SLC9A3: variants seen among roughly 807,000 people sequenced by gnomAD.
The protein encoded by SLC9A3 is sodium/hydrogen exchanger 3.
Under a neutral mutation model 86.8 loss-of-function variants are expected in SLC9A3, and 37 were observed. That is an observed-to-expected ratio of 0.43 (90% CI 0.33 to 0.56). SLC9A3 has a LOEUF of 0.56. SLC9A3 is among the 20% of genes least tolerant of loss of function. The pLI is 0.06. For missense variants in SLC9A3, 1,011 were observed against 1,171.9 expected, an observed-to-expected ratio of 0.86 and a Z score of 2.00; for synonymous variants, 581 against 528.3, an observed-to-expected ratio of 1.10 and a Z score of -1.37.
chr5:484,765 T>C (rs1184020190), intron 4 of SLC9A3, 68 bp from the exon 5 acceptor site: 6 of 1,517,886 alleles, frequency 4.0e-6, no homozygotes, highest in Middle Eastern at 4.1e-4. Flanking sequence ...GGCCGCCTGG[T>C]GACCCCGCGG....
intron 1 of SLC9A3, among the ~76,000 whole-genome samples, chr5:499,063 T>G (rs1394917608): frequency 3.9e-5 from 6 of 152,212 alleles, no homozygotes; most frequent in Non-Finnish European, 8.8e-5. Context: ...GGTCTCGTTC[T>G]CATCTTCTCC....
chr5:523,550 C>T (rs952974491), intron 1 of SLC9A3, among the ~76,000 whole-genome samples: 1 of 150,556 alleles, frequency 6.6e-6, no homozygotes, highest in Non-Finnish European at 1.5e-5. Flanking sequence ...GCCCACATTA[C>T]TGGTTCATTG....
chr5:472,566 C>T lies in SLC9A3; in HGVS notation c.*813G>A. 5.6e-6 allele frequency: 2 copies of T among 355,812 alleles called. No individual in the cohort carries two copies. Among genetic ancestry groups the T allele is most frequent in the South Asian group, 2.0e-5 (1 of 50,682 alleles). 22.0% of individuals were successfully genotyped at this position (355,812 alleles called of 1,614,324 possible). A position where few individuals can be genotyped will look rare whatever the true frequency, so the allele number is the denominator to read the frequency against. On this transcript the variant is annotated 3_prime_UTR_variant, in exon 17 of 17. Coordinates refer to ENST00000264938, the MANE Select transcript of SLC9A3 (RefSeq NM_004174.4). ...ACGGGCCGTGTCCGGGGCCGCCACCCTGAGACCGGGCGCGGGCAGGACGGA... is the reference window on the plus strand; with the variant it reads ...ACGGGCCGTGTCCGGGGCCGCCACCTTGAGACCGGGCGCGGGCAGGACGGA...
chr5:523,862 C>G (rs895687642), intron 1 of SLC9A3, among the ~76,000 whole-genome samples: 5 of 152,138 alleles, frequency 3.3e-5, no homozygotes, highest in Non-Finnish European at 5.9e-5. Context: ...CACAGGGACC[C>G]GGGAGCCGGG....
rs1038896456 is a variant in SLC9A3, at chr5:504,502, C to T, written c.212-12431G>A. The stretch of plus-strand genomic sequence containing the variant: ...CAGCCTCCTCCAGTGTGTCCGGCGG[C>T]GGCAGCCAGGGAGGGTGCCGGGACC... On this transcript the variant is annotated intron_variant, in intron 1 of 16. Coordinates refer to ENST00000264938, the MANE Select transcript of SLC9A3 (RefSeq NM_004174.4). 5.3e-5 allele frequency among the ~76,000 whole-genome samples: 8 copies of T among 152,320 alleles called. No homozygotes were observed. In the South Asian group the frequency reaches 1.2e-3, roughly 24 times the overall value.
intron 2 of SLC9A3, 84 bp from the exon 3 acceptor site, chr5:488,560 C>T (rs552701828): frequency 7.5e-4 from 1,037 of 1,376,278 alleles, no homozygotes; most frequent in Middle Eastern, 2.6e-3. Context: ...GCCTACGGGT[C>T]GGGGTTCGGA....
Position 479,865 on chromosome 5 carries a change from G to A in SLC9A3, c.1618C>T (p.Leu540=), listed in dbSNP as rs759835293. The part of the protein sequence containing the change: ...RILNVFHELN[L]KDAISYVAEG... ...GCCACGTAGCTGATGGCATCCTTCA[G>A]GTTCAGCTCGTGGAAGACATTCAGG... is the stretch of plus-strand genomic sequence containing the variant. The change falls in exon 10 of 17, where the codon CTG becomes TTG. Residue 540 remains leucine, a synonymous_variant. Transcript: ENST00000264938. The A allele has an allele frequency of 3.7e-6, 6 of 1,613,846 alleles. No homozygotes were observed. The Admixed American group carries it at 1.0e-4, about 27-fold the overall frequency.
intron 1 of SLC9A3, among the ~76,000 whole-genome samples, chr5:513,979 C>A (rs1733651013): frequency 6.6e-6 from 1 of 152,236 alleles, no homozygotes; most frequent in Non-Finnish European, 1.5e-5. Flanking sequence ...CCAACCCGAG[C>A]CAGTTCCGCC....
rs564867570 is a variant in SLC9A3 at position 496,076 on chromosome 5, A to G, written c.212-4005T>C. Among the ~76,000 whole-genome samples the G allele has an allele frequency of 6.6e-6, 1 of 152,354 alleles. No individual in the cohort carries two copies. Among genetic ancestry groups the G allele is most frequent in the African/African-American group, 2.4e-5 (1 of 41,578 alleles). On this transcript the variant is annotated intron_variant, in intron 1 of 16. Coordinates refer to ENST00000264938, the MANE Select transcript of SLC9A3 (RefSeq NM_004174.4). The surrounding 1 kb of genome is among the most constrained non-coding windows in gnomAD (Gnocchi z 4.7). ...CTCCTGCTCAGAAGTAAGCCCTTAA[A>G]ATCCACAGAAAACATCCTCTGACCT...
chr5:495,224 CCA>C (rs1032117337), intron 1 of SLC9A3, among the ~76,000 whole-genome samples: 2 of 152,120 alleles, frequency 1.3e-5, no homozygotes, highest in Admixed American at 6.5e-5. Context: ...GGTCTTTCAG[CCA>C]CAGTCTTCCA....
chr5:506,003 A>C (rs1490831917), intron 1 of SLC9A3, among the ~76,000 whole-genome samples: 1 of 151,934 alleles, frequency 6.6e-6, no homozygotes, highest in Admixed American at 6.6e-5. Context: ...CAGGGGAGCA[A>C]CTTCAGGTCT....
chr5:473,151 G>GCCCCCGGCGCAGGCCCCT lies in SLC9A3; in HGVS notation c.*227_*228insAGGGGCCTGCGCCGGGGG. 5.6e-6 allele frequency: 2 copies of GCCCCCGGCGCAGGCCCCT among 357,026 alleles called. No individual in the cohort carries two copies. The highest frequency in any genetic ancestry group is 9.2e-6 in the Non-Finnish European group (2 of 217,322). 22.1% of individuals were successfully genotyped at this position (357,026 alleles called of 1,614,324 possible). On this transcript the variant is annotated 3_prime_UTR_variant, in exon 17 of 17. Transcript: ENST00000264938. ...CGGCAGCCCTCGGCGCTCCGGCCCCGCCCCCGGCGCAGGCCCCGCCCCCGG... is the reference window on the plus strand; with the variant it reads ...CGGCAGCCCTCGGCGCTCCGGCCCCGCCCCCGGCGCAGGCCCCTCCCCCGGCGCAGGCCCCGCCCCCGG...
intron 1 of SLC9A3, among the ~76,000 whole-genome samples, chr5:502,636 T>C (rs968350904): frequency 6.6e-6 from 1 of 152,112 alleles, no homozygotes; most frequent in Non-Finnish European, 1.5e-5. Context: ...AGCTCAAGGA[T>C]AGAAAAGAAA....
intron 9 of SLC9A3, 71 bp from the exon 10 acceptor site, chr5:480,036 G>A: frequency 6.5e-7 from 1 of 1,544,302 alleles, no homozygotes; most frequent in East Asian, 2.3e-5. Flanking sequence ...GCGTGGCCCG[G>A]CCCCTTCTCT....
In SLC9A3 at chr5:472,548, G is replaced by GA; in HGVS notation, c.*830_*831insT. On this transcript the variant is annotated 3_prime_UTR_variant, in exon 17 of 17. Transcript: ENST00000264938. ...GAGACCTCGTCTGTGGGGACGGGCC[G>GA]TGTCCGGGGCCGCCACCCTGAGACC... is the stretch of plus-strand genomic sequence containing the variant. 2.9e-6 allele frequency: 1 copy of GA among 346,636 alleles called. No homozygotes were observed. The highest frequency in any genetic ancestry group is 5.7e-6 in the Non-Finnish European group (1 of 174,804). The allele number at this position is 346,636 out of a possible 1,614,324, so 21.5% of individuals were successfully genotyped here. A position where few individuals can be genotyped will look rare whatever the true frequency, so the allele number is the denominator to read the frequency against.
chr5:478,080 C>T (rs1738874940), intron 10 of SLC9A3: 1 of 152,338 alleles, frequency 6.6e-6, no homozygotes, highest in Non-Finnish European at 1.5e-5. Flanking sequence ...TGCACTCAGA[C>T]CTCGCCAGGT....
intron 1 of SLC9A3, among the ~76,000 whole-genome samples, chr5:509,592 G>A (rs766014367): frequency 8.9e-4 from 136 of 152,282 alleles, no homozygotes; most frequent in Non-Finnish European, 1.3e-3. Context: ...GAACTCAGGC[G>A]TGGGCAGAAG....
rs111353320 is a variant in SLC9A3, at chr5:482,862, G to A, written c.1154-112C>T. Reference sequence around the variant, plus strand: ...CAAGCATGTGCTGACGAAGAACAGCGGCACCCTAGATACGGCGTCCCCACG... The same window carrying A: ...CAAGCATGTGCTGACGAAGAACAGCAGCACCCTAGATACGGCGTCCCCACG... On this transcript the variant is annotated intron_variant, in intron 6 of 16. Coordinates refer to ENST00000264938, the MANE Select transcript of SLC9A3 (RefSeq NM_004174.4). 5.8e-3 allele frequency: 4,790 copies of A among 826,708 alleles called. 152 individuals carry two copies. The African/African-American group carries it at 0.067, about 12-fold the overall frequency. 51.2% of individuals were successfully genotyped at this position (826,708 alleles called of 1,614,324 possible).
Position 472,975 on chromosome 5 carries a change from TCTC to T in SLC9A3, c.*401_*403del. ...TCCCGCCGGCGGCGTCACAGCGGCG[TCTC>T]CTCCTGCTCCAGCGCGTGCGGCGGT... On this transcript the variant is annotated 3_prime_UTR_variant, in exon 17 of 17. Coordinates refer to ENST00000264938, the MANE Select transcript of SLC9A3 (RefSeq NM_004174.4). The T allele has an allele frequency of 5.7e-6, 3 of 523,560 alleles. No homozygotes were observed. The highest frequency in any genetic ancestry group is 1.0e-5 in the Non-Finnish European group (3 of 297,340). 32.4% of individuals were successfully genotyped at this position (523,560 alleles called of 1,614,324 possible). A position where few individuals can be genotyped will look rare whatever the true frequency, so the allele number is the denominator to read the frequency against.
Sources: gnomAD v4.1 joint callset for allele counts (sites outside exome capture counted in the v4.1 genomes callset) on GRCh38, gnomAD v4.1.1 for gene constraint, Gnocchi (gnomAD v3.1) non-coding constraint, MANE v1.5 for transcripts, NCBI Gene and HGNC (gene_info 2026-07-23, HGNC 2026-07-21) for gene names.